Variants in EIF4G3 observed in about 807,000 individuals in gnomAD.
EIF4G3 encodes the protein eukaryotic translation initiation factor 4 gamma 3.
EIF4G3 carries 34 observed loss-of-function variants against 186.4 expected under a neutral mutation model. The ratio of observed to expected loss-of-function variants is 0.18; its 90% CI spans 0.14 to 0.24. The LOEUF (loss-of-function observed/expected upper bound fraction) is 0.24. Among genes scored for constraint, EIF4G3 ranks in the 10% least tolerant of loss-of-function variants. EIF4G3 has a pLI of 1.00. For missense variants in EIF4G3, 1,536 were observed against 1,948.5 expected, an observed-to-expected ratio of 0.79 and a Z score of 3.99; for synonymous variants, 673 against 679.5, an observed-to-expected ratio of 0.99 and a Z score of 0.15.
intron 22 of EIF4G3, among the ~76,000 whole-genome samples, chr1:20,864,179 T>A (rs2077061203): frequency 6.6e-6 from 1 of 152,208 alleles, no homozygotes; most frequent in Non-Finnish European, 1.5e-5. Context: ...AGTTTTTCTT[T>A]GCATATTTCT....
chr1:21,040,547 G>C (rs1423876911), intron 4 of EIF4G3, among the ~76,000 whole-genome samples: 2 of 152,198 alleles, frequency 1.3e-5, no homozygotes, highest in Non-Finnish European at 2.9e-5. Context: ...GGGACGTATG[G>C]CTGGTATCTG....
At chr1:21,031,014 C>T (rs2092690861) in intron 4 of EIF4G3, among the ~76,000 whole-genome samples, 1 of 151,968 alleles carries the variant, frequency 6.6e-6, no homozygotes, top group Admixed American at 6.6e-5. Context: ...GGTGAAACTC[C>T]ACCCCTACTA....
intron 3 of EIF4G3, among the ~76,000 whole-genome samples, chr1:21,063,387 T>TA (rs1276903820): frequency 2.0e-5 from 3 of 151,782 alleles, no homozygotes; most frequent in Admixed American, 6.6e-5. Context: ...GAGAGAGCGT[T>TA]AAAAAAAATA....
intron 14 of EIF4G3, among the ~76,000 whole-genome samples, chr1:20,925,196 TTAGAG>T (rs1466208984): frequency 6.6e-6 from 1 of 152,232 alleles, no homozygotes; most frequent in Non-Finnish European, 1.5e-5. Flanking sequence ...GGCTTTAAAA[TTAGAG>T]TAAAACTCAT....
At chr1:20,813,571 G>T (rs539720652) in intron 34 of EIF4G3, among the ~76,000 whole-genome samples, 4 of 149,214 alleles carry the variant, frequency 2.7e-5, no homozygotes, top group Non-Finnish European at 4.5e-5. Flanking sequence ...CTTGTCTTGA[G>T]AAAACAAAAA....
chr1:20,928,732 A>G (rs977944774), intron 14 of EIF4G3, among the ~76,000 whole-genome samples: 1 of 152,186 alleles, frequency 6.6e-6, no homozygotes, highest in Non-Finnish European at 1.5e-5. Flanking sequence ...ATATTTGTTG[A>G]CATATAATTT....
At chr1:21,039,018 C>T (rs966144583) in intron 4 of EIF4G3, among the ~76,000 whole-genome samples, 1 of 152,098 alleles carries the variant, frequency 6.6e-6, no homozygotes, top group Admixed American at 6.6e-5. Flanking sequence ...GAGGACAAAC[C>T]TAAACGTCTC....
intron 30 of EIF4G3, 74 bp from the exon 31 acceptor site, chr1:20,829,346 A>G: frequency 6.5e-7 from 1 of 1,537,542 alleles, no homozygotes; most frequent in Non-Finnish European, 8.9e-7. Context: ...GAGATAAAAA[A>G]TCAGTCAACA....
intron 7 of EIF4G3, among the ~76,000 whole-genome samples, chr1:20,995,292 A>T (rs1262447784): frequency 1.3e-5 from 2 of 152,196 alleles, no homozygotes; most frequent in Non-Finnish European, 2.9e-5. Flanking sequence ...TAAGAACTTA[A>T]ATTTTTTGAT....
chr1:21,176,610 C>A (rs1212852244), intron 1 of EIF4G3, 112 bp downstream of exon 1: 1 of 207,292 alleles, frequency 4.8e-6, no homozygotes, highest in Non-Finnish European at 9.5e-6. Flanking sequence ...CCGCCGCCGC[C>A]GGCAGCAGCA....
chr1:21,116,563 C>T (rs1055446334), intron 2 of EIF4G3, among the ~76,000 whole-genome samples: 7 of 152,064 alleles, frequency 4.6e-5, no homozygotes, highest in Admixed American at 2.0e-4. Flanking sequence ...ACAGGCCAGG[C>T]GCGGCGGCTC....
At chr1:20,889,156 G>A (rs1048272013) in intron 18 of EIF4G3, among the ~76,000 whole-genome samples, 8 of 152,028 alleles carry the variant, frequency 5.3e-5, no homozygotes, top group East Asian at 1.9e-4. Context: ...ACCCATCTCC[G>A]TTTTGCAATT....
intron 14 of EIF4G3, among the ~76,000 whole-genome samples, chr1:20,934,880 T>C (rs1444766674): frequency 1.3e-5 from 2 of 152,176 alleles, no homozygotes; most frequent in Non-Finnish European, 2.9e-5. Flanking sequence ...ACTCTGATCA[T>C]ATTATTTAAA....
chr1:21,048,453 T>C (rs2094019953), intron 4 of EIF4G3, among the ~76,000 whole-genome samples: 1 of 152,052 alleles, frequency 6.6e-6, no homozygotes, highest in Admixed American at 6.6e-5. Flanking sequence ...AGGGTTTTGC[T>C]CCCTGGTTCC....
At chr1:20,951,444 G>C (rs549223792) in intron 12 of EIF4G3, among the ~76,000 whole-genome samples, 3 of 152,050 alleles carry the variant, frequency 2.0e-5, no homozygotes, top group African/African-American at 4.8e-5. Context: ...GAGAGTTACT[G>C]TTTTCACGGG....
Position 20,899,756 on chromosome 1 carries a change from T to A in EIF4G3, c.1940A>T (p.Asp647Val). ...ACTATCTGTGGAGCCTGAATTAGCA[T>A]CTATTCCTTCACCCTCAGAAACACT... ...AESVSEGEGI[D>V]ANSGSTDSSG... Residue 647 changes from aspartate (D) to valine (V), a missense_variant, in exon 16 of 37, where the codon GAT (aspartate) becomes GTT (valine). By Grantham distance (152) the Asp-to-Val change is radical. Around this residue, in one of 11 missense-constraint regions of EIF4G3, gnomAD observed 560 missense variants for 547.8 expected, o/e 1.02. Coordinates refer to ENST00000602326, the MANE Select transcript of EIF4G3 (RefSeq NM_001391906.1). The A allele has an allele frequency of 6.2e-7, 1 of 1,614,178 alleles. No homozygotes were observed. Among genetic ancestry groups the A allele is most frequent in the Non-Finnish European group, 8.5e-7 (1 of 1,180,008 alleles).
At chr1:21,017,367 G>A (rs6659800) in intron 4 of EIF4G3, among the ~76,000 whole-genome samples, 50,780 of 151,880 alleles carry the variant, frequency 0.33, 9,231 homozygotes, top group Non-Finnish European at 0.41. Flanking sequence ...AGTGGCTCAC[G>A]CCTGTAATCC....
intron 3 of EIF4G3, among the ~76,000 whole-genome samples, chr1:21,075,128 CA>C (rs1338189352): frequency 6.6e-6 from 1 of 151,888 alleles, no homozygotes; most frequent in African/African-American, 2.4e-5. Flanking sequence ...AACAAGAAAA[CA>C]ATTAACAAAA....
chr1:20,855,174 C>T, intron 25 of EIF4G3, 103 bp from the exon 26 acceptor site: 2 of 871,214 alleles, frequency 2.3e-6, no homozygotes, highest in Non-Finnish European at 3.4e-6. Flanking sequence ...ATTTTAGCAA[C>T]AAAAATTTGT....
Sources: allele counts gnomAD v4.1 joint callset (sites outside exome capture counted in the v4.1 genomes callset), GRCh38; gene constraint gnomAD v4.1.1; regional missense constraint gnomAD v4.1.1; transcripts MANE v1.5; gene names NCBI Gene and HGNC (gene_info 2026-07-23, HGNC 2026-07-21).